Variants in DENND4A observed in about 807,000 individuals in gnomAD.
DENND4A encodes C-myc promoter-binding protein.
In DENND4A, 70 loss-of-function variants were observed where a neutral mutation model predicts 199.3. That is an observed-to-expected ratio of 0.35 (90% CI 0.29 to 0.43). The LOEUF (loss-of-function observed/expected upper bound fraction) is 0.43. Ranked by LOEUF, DENND4A falls within the 20% of genes least tolerant of loss-of-function variation. DENND4A has a pLI of 1.00. For synonymous variants in DENND4A, 686 were observed against 766.9 expected, an observed-to-expected ratio of 0.89 and a Z score of 1.74; for missense variants, 1,723 against 2,255.8, an observed-to-expected ratio of 0.76 and a Z score of 4.78.
chr15:65,782,366 C>T (rs1015467837), intron 1 of DENND4A, among the ~76,000 whole-genome samples: 1 of 152,182 alleles, frequency 6.6e-6, no homozygotes, highest in Non-Finnish European at 1.5e-5. Flanking sequence ...ACGGCTTCCC[C>T]AAGAAGTACT....
Position 65,740,957 on chromosome 15 carries a change from G to A in DENND4A, c.631+758C>T, listed in dbSNP as rs150103489. On this transcript the variant is annotated intron_variant, in intron 5 of 32. Transcript: ENST00000443035. Reference sequence around the variant, plus strand: ...AGCCTGAGCAACCGAATGAGACCCCGTACCCCCCCCAAAAAAAATCAAATG... The same window carrying A: ...AGCCTGAGCAACCGAATGAGACCCCATACCCCCCCCAAAAAAAATCAAATG... 6.7e-3 allele frequency among the ~76,000 whole-genome samples: 1,011 copies of A among 151,702 alleles called. 11 individuals are homozygous for A. The highest frequency in any genetic ancestry group is 0.023 in the African/African-American group (967 of 41,308).
At chr15:65,692,265 C>T (rs2076998690) in intron 22 of DENND4A, among the ~76,000 whole-genome samples, 1 of 152,158 alleles carries the variant, frequency 6.6e-6, no homozygotes, top group South Asian at 2.1e-4. Context: ...CCTTGCTTAA[C>T]ATATTGATTG....
intron 28 of DENND4A, 46 bp downstream of exon 28, chr15:65,667,879 C>T (rs756136327): frequency 1.8e-5 from 28 of 1,570,308 alleles, no homozygotes; most frequent in East Asian, 2.2e-5. Flanking sequence ...CAAAATCATA[C>T]GTAAGTGATC....
intron 9 of DENND4A, 53 bp from the exon 10 acceptor site, chr15:65,729,731 A>C: frequency 6.7e-7 from 1 of 1,491,464 alleles, no homozygotes; most frequent in South Asian, 1.3e-5. Context: ...CAAACACCTC[A>C]TTATCTAAAA....
chr15:65,732,918 T>C (rs2076004508), intron 7 of DENND4A, 100 bp from the exon 8 acceptor site: 3 of 663,712 alleles, frequency 4.5e-6, no homozygotes, highest in Non-Finnish European at 7.8e-6. Flanking sequence ...AAGCCCTGTG[T>C]CCCTATTATT....
chr15:65,689,928 C>G (rs2076915695), intron 23 of DENND4A, among the ~76,000 whole-genome samples: 1 of 152,190 alleles, frequency 6.6e-6, no homozygotes, highest in Non-Finnish European at 1.5e-5. Context: ...AATCCTGCCT[C>G]TCTGCTTTCT....
At chr15:65,731,727 T>C (rs780916886) in intron 8 of DENND4A, 27 bp from the exon 9 acceptor site, 20 of 1,494,938 alleles carry the variant, frequency 1.3e-5, no homozygotes, top group East Asian at 2.5e-5. Context: ...AATAAAGAAT[T>C]TGAAACATAA....
chr15:65,783,205 T>C, intron 1 of DENND4A, among the ~76,000 whole-genome samples: 1 of 152,206 alleles, frequency 6.6e-6, no homozygotes, highest in Non-Finnish European at 1.5e-5. Flanking sequence ...ATATAAGCAC[T>C]GTTCTTTTTT....
chr15:65,701,790 T>C lies in DENND4A; in HGVS notation c.2531A>G (p.Asn844Ser), dbSNP rs368880135. Residue 844 changes from asparagine to serine, a missense_variant, in exon 18 of 33, where the codon AAT becomes AGT. By Grantham distance (46) the Asn-to-Ser change is conservative. This residue lies in a region of DENND4A where 36 missense variants were observed against 85.7 expected (regional missense o/e 0.42). Coordinates refer to ENST00000443035, the MANE Select transcript of DENND4A (RefSeq NM_001320835.1). ...ATTATAATAACCATAAGTAATGGCA[T>C]TGGGGTCAATACCAGCTTTCTGCAT... ...FEMQKAGIDPNAITYGYYNKA... is the reference protein window; with the variant it reads ...FEMQKAGIDPSAITYGYYNKA... The C allele has an allele frequency of 1.1e-5, 17 of 1,613,652 alleles. No homozygotes were observed. The highest frequency in any genetic ancestry group is 1.3e-5 in the African/African-American group (1 of 74,916).
intron 23 of DENND4A, chr15:65,681,451 CTAAGT>C (rs1373381729): frequency 2.0e-5 from 3 of 149,896 alleles, no homozygotes; most frequent in Non-Finnish European, 3.0e-5. Flanking sequence ...TTCTTAAATA[CTAAGT>C]TAAAAGTAAA....
At chr15:65,670,307 C>T in intron 25 of DENND4A, 119 bp from the exon 26 acceptor site, 1 of 795,708 alleles carries the variant, frequency 1.3e-6, no homozygotes, top group Non-Finnish European at 1.8e-6. Flanking sequence ...AGATGCTATA[C>T]ACAAACACTG....
At chr15:65,705,693 T>C (rs1456664803) in intron 15 of DENND4A, among the ~76,000 whole-genome samples, 2 of 152,000 alleles carry the variant, frequency 1.3e-5, no homozygotes, top group Non-Finnish European at 2.9e-5. Flanking sequence ...AAATTAGATT[T>C]AATCTTTTTG....
chr15:65,730,534 T>A (rs183143871), intron 9 of DENND4A, among the ~76,000 whole-genome samples: 26 of 152,250 alleles, frequency 1.7e-4, no homozygotes, highest in Non-Finnish European at 3.2e-4. Flanking sequence ...AATGAAATAT[T>A]ATTTGGCAAT....
intron 1 of DENND4A, among the ~76,000 whole-genome samples, chr15:65,779,004 C>G (rs1313998430): frequency 6.6e-6 from 1 of 151,986 alleles, no homozygotes; most frequent in Admixed American, 6.6e-5. Context: ...TGGTGCATGC[C>G]TACAGTTTCA....
At chr15:65,666,997 A>G (rs1007720328) in intron 29 of DENND4A, among the ~76,000 whole-genome samples, 1 of 152,176 alleles carries the variant, frequency 6.6e-6, no homozygotes, top group African/African-American at 2.4e-5. Flanking sequence ...AATACAACTA[A>G]AACAATTCTA....
chr15:65,677,624 G>A (rs968579673), intron 23 of DENND4A, among the ~76,000 whole-genome samples: 1 of 152,096 alleles, frequency 6.6e-6, no homozygotes, highest in African/African-American at 2.4e-5. Flanking sequence ...TTTTAAATGT[G>A]CACTTAAATA....
chr15:65,777,339 T>C (rs147784413), intron 1 of DENND4A, among the ~76,000 whole-genome samples: 31 of 152,152 alleles, frequency 2.0e-4, no homozygotes, highest in African/African-American at 7.0e-4. Flanking sequence ...CCAGCTTACA[T>C]TTTTTAAATT....
At chr15:65,715,756 G>C (rs1004809393) in intron 13 of DENND4A, 133 bp from the exon 14 acceptor site, 1 of 746,008 alleles carries the variant, frequency 1.3e-6, no homozygotes, top group African/African-American at 1.8e-5. Context: ...CAAGTGCTGA[G>C]AGGGAAAATG....
chr15:65,661,977 A>G lies in DENND4A; in HGVS notation c.5598T>C (p.Asp1866=). ...GRENIDIDAF[D]KEYKMAYDRL... is the part of the protein sequence containing the mutation. ...GATCGTATGCCATCTTGTACTCTTT[A>G]TCAAAAGCATCTGCAGAAATTGATA... Residue 1866 remains aspartate, a synonymous_variant, in exon 33 of 33, where the codon GAT becomes GAC. Coordinates refer to ENST00000443035, the MANE Select transcript of DENND4A (RefSeq NM_001320835.1). The G allele has an allele frequency of 6.2e-7, 1 of 1,607,714 alleles. No individual in the cohort carries two copies. Among genetic ancestry groups the G allele is most frequent in the Admixed American group, 1.7e-5 (1 of 58,616 alleles).
Sources: gnomAD v4.1 joint callset for allele counts (sites outside exome capture counted in the v4.1 genomes callset) on GRCh38, gnomAD v4.1.1 for gene constraint, gnomAD v4.1.1 regional missense constraint, MANE v1.5 for transcripts, NCBI Gene and HGNC (gene_info 2026-07-23, HGNC 2026-07-21) for gene names.